Variants in EXOC4 observed in about 807,000 individuals in gnomAD.
EXOC4 encodes the protein SEC8-like 1.
A neutral mutation model predicts 107.2 loss-of-function variants in EXOC4; 71 were observed. That is an observed-to-expected ratio of 0.66 (90% CI 0.55 to 0.81). The LOEUF (loss-of-function observed/expected upper bound fraction) is 0.81, where lower values mean the gene tolerates loss of function less well. Among genes scored for constraint, EXOC4 ranks in the 30% least tolerant of loss-of-function variants. The pLI is 0.00. For missense variants in EXOC4, 1,108 were observed against 1,189.6 expected (o/e 0.93, Z 1.01); for synonymous variants, 456 against 441.2 (o/e 1.03, Z -0.42).
intron 13 of EXOC4, among the ~76,000 whole-genome samples, chr7:133,925,115 C>T (rs1328342172): frequency 1.3e-5 from 2 of 152,202 alleles, no homozygotes; most frequent in Non-Finnish European, 2.9e-5. Context: ...GTCACAATCT[C>T]CCCCTATAAT....
At chr7:133,755,778 C>A (rs1048012639) in intron 10 of EXOC4, among the ~76,000 whole-genome samples, 4 of 152,166 alleles carry the variant, frequency 2.6e-5, no homozygotes, top group Non-Finnish European at 1.5e-5. Context: ...ATGTGCTCAA[C>A]CACCCTGAGC....
intron 10 of EXOC4, among the ~76,000 whole-genome samples, chr7:133,795,077 T>G (rs1025165953): frequency 6.6e-6 from 1 of 152,132 alleles, no homozygotes; most frequent in Admixed American, 6.5e-5. Flanking sequence ...CAAAGAACTT[T>G]TTTTAAAAAA....
At chr7:133,981,639 T>C (rs1032820926) in intron 14 of EXOC4, among the ~76,000 whole-genome samples, 1 of 152,078 alleles carries the variant, frequency 6.6e-6, no homozygotes, top group African/African-American at 2.4e-5. Context: ...GGAACATTTA[T>C]ACCCTCTTGG....
At chr7:133,633,428 A>T (rs1181248569) in intron 10 of EXOC4, among the ~76,000 whole-genome samples, 1 of 152,108 alleles carries the variant, frequency 6.6e-6, no homozygotes, top group Non-Finnish European at 1.5e-5. Context: ...CATATTAAAA[A>T]ATAAGTTTGG....
At chr7:133,901,019 A>C (rs1318322896) in intron 12 of EXOC4, among the ~76,000 whole-genome samples, 1 of 151,970 alleles carries the variant, frequency 6.6e-6, no homozygotes, top group African/African-American at 2.4e-5. Context: ...ACAGGTGCCC[A>C]CCAACACACC....
At chr7:133,683,505 A>T (rs1053564385) in intron 10 of EXOC4, among the ~76,000 whole-genome samples, 1 of 152,138 alleles carries the variant, frequency 6.6e-6, no homozygotes, top group African/African-American at 2.4e-5. Flanking sequence ...ATTTTAACTA[A>T]TATCTGTATC....
intron 6 of EXOC4, among the ~76,000 whole-genome samples, chr7:133,361,456 A>AT (rs1336971497): frequency 1.3e-5 from 2 of 151,902 alleles, no homozygotes; most frequent in Admixed American, 1.3e-4. Context: ...AATTTTTTGT[A>AT]TTTTTTGTAG....
At chr7:133,323,623 T>C (rs868709638) in intron 5 of EXOC4, among the ~76,000 whole-genome samples, 5 of 152,364 alleles carry the variant, frequency 3.3e-5, no homozygotes, top group Middle Eastern at 3.4e-3. Flanking sequence ...CAATATTTTA[T>C]TGAGGATTTT....
intron 5 of EXOC4, among the ~76,000 whole-genome samples, chr7:133,340,432 T>G (rs531426581): frequency 2.0e-5 from 3 of 151,832 alleles, no homozygotes; most frequent in Admixed American, 2.0e-4. Flanking sequence ...TCTTTTTTTT[T>G]TTTTTTTGAG....
rs370239849 is a variant in EXOC4 at position 133,417,389 on chromosome 7, A to G, written c.1182+42387A>G. On this transcript the variant is annotated intron_variant, in intron 7 of 17. Transcript: ENST00000253861. ...GAGAGAGGCTAGGATGTGAAGATGG[A>G]AGGTCTGACTGCGTGTCAACTGAAA... Among the ~76,000 whole-genome samples, 38 of 152,304 alleles carry G rather than the reference A, an allele frequency of 2.5e-4. 1 individual carries two copies. The South Asian group carries it at 7.9e-3, about 32-fold the overall frequency.
In EXOC4 at chr7:133,672,542, A is replaced by T. The variant is rs1793971281; in HGVS notation, c.1514+42401A>T. On this transcript the variant is annotated intron_variant, in intron 10 of 17. Transcript: ENST00000253861. ...GGATATAAACTTGAAAGCCATCAAC[A>T]TTCCAGTGTTTTGTAAGGTTGTGAG... Among the ~76,000 whole-genome samples, 3 of 152,304 alleles carry T rather than the reference A, an allele frequency of 2.0e-5. No homozygotes were observed. The South Asian group carries it at 6.2e-4, about 32-fold the overall frequency.
intron 10 of EXOC4, among the ~76,000 whole-genome samples, chr7:133,699,812 C>T (rs1585087713): frequency 6.6e-6 from 1 of 152,320 alleles, no homozygotes. Flanking sequence ...AAACATTGAA[C>T]ATTCACTAAA....
chr7:133,267,089 C>G (rs905411208), intron 1 of EXOC4, among the ~76,000 whole-genome samples: 4 of 152,118 alleles, frequency 2.6e-5, no homozygotes, highest in Non-Finnish European at 5.9e-5. Context: ...TTGTATTTTA[C>G]TTTTTATTGT....
At chr7:134,072,769 C>T in the EXOC4 span, among the ~76,000 whole-genome samples, 10 of 152,096 alleles carry the variant, frequency 6.6e-5, no homozygotes, top group Non-Finnish European at 2.9e-5. Flanking sequence ...GCATTCAGTG[C>T]CTGGCATGTC....
intron 14 of EXOC4, among the ~76,000 whole-genome samples, chr7:133,976,758 T>C (rs2116896850): frequency 6.6e-6 from 1 of 152,250 alleles, no homozygotes; most frequent in South Asian, 2.1e-4. Context: ...AATACCTTTG[T>C]TTGGTTTACA....
chr7:133,637,883 G>A (rs116147732), intron 10 of EXOC4, among the ~76,000 whole-genome samples: 66 of 152,168 alleles, frequency 4.3e-4, no homozygotes, highest in African/African-American at 1.6e-3. Flanking sequence ...GCAACTAACT[G>A]GGCGGTTTTA....
intron 9 of EXOC4, among the ~76,000 whole-genome samples, chr7:133,567,176 T>C (rs1436362508): frequency 6.6e-6 from 1 of 152,190 alleles, no homozygotes; most frequent in Non-Finnish European, 1.5e-5. Flanking sequence ...AGATACCCTG[T>C]TACCTTTCCC....
At chr7:133,916,274 G>A (rs1197622433) in intron 12 of EXOC4, among the ~76,000 whole-genome samples, 3 of 152,190 alleles carry the variant, frequency 2.0e-5, no homozygotes, top group Non-Finnish European at 4.4e-5. Context: ...AGGTAGTAAC[G>A]CTCACTGGCC....
intron 17 of EXOC4, 43 bp downstream of exon 17, chr7:134,007,878 G>T (rs1271406614): frequency 6.4e-7 from 1 of 1,559,158 alleles, no homozygotes; most frequent in East Asian, 2.3e-5. Context: ...CCAAAGCTAA[G>T]ACCTCGTTGC....
Sources: allele counts gnomAD v4.1 joint callset (sites outside exome capture counted in the v4.1 genomes callset), GRCh38; gene constraint gnomAD v4.1.1; transcripts MANE v1.5; gene names NCBI Gene and HGNC (gene_info 2026-07-23, HGNC 2026-07-21).